PZP: variants seen among roughly 807,000 people sequenced by gnomAD.
The protein encoded by PZP is pregnancy zone protein.
In PZP, 150 loss-of-function variants were observed where a neutral mutation model predicts 179.8. The observed-to-expected ratio is 0.83, with a 90% CI of 0.73 to 0.96. The LOEUF is 0.96. Ranked by LOEUF, PZP falls within the 40% of genes least tolerant of loss-of-function variation. The pLI, the probability that PZP is intolerant of heterozygous loss-of-function variation, is 0.00. For missense variants in PZP, 1,689 were observed against 1,764.0 expected (o/e 0.96, Z 0.76); for synonymous variants, 624 against 652.3 (o/e 0.96, Z 0.66).
intron 21 of PZP, among the ~76,000 whole-genome samples, chr12:9,163,084 G>C (rs373366190): frequency 3.9e-5 from 6 of 151,954 alleles, no homozygotes; most frequent in African/African-American, 1.5e-4. Context: ...ACCAGGGAGG[G>C]TGGTAGAGAG....
chr12:9,171,366 C>T (rs1941988510), intron 15 of PZP, among the ~76,000 whole-genome samples: 1 of 152,130 alleles, frequency 6.6e-6, no homozygotes, highest in Non-Finnish European at 1.5e-5. Context: ...GCAGCAGCCT[C>T]AAGGATTAAA....
Position 9,197,141 on chromosome 12 carries a change from A to C in PZP, c.756-18T>G. 6.5e-7 allele frequency: 1 copy of C among 1,537,182 alleles called. No homozygotes were observed. Among genetic ancestry groups the C allele is most frequent in the Non-Finnish European group, 9.0e-7 (1 of 1,112,788 alleles). Reference sequence around the variant, plus strand: ...AAGTGTATCTGGTACATGAGAAATAAATCAGGAATTGAGAATGGCTGTTTG... The same window carrying C: ...AAGTGTATCTGGTACATGAGAAATACATCAGGAATTGAGAATGGCTGTTTG... On this transcript the variant is annotated intron_variant, in intron 7 of 35. Coordinates refer to ENST00000261336, the MANE Select transcript of PZP (RefSeq NM_002864.3).
rs1941069190 is a variant in PZP at position 9,160,152 on chromosome 12, A to ATCTGCC, written c.3050-128_3050-127insGGCAGA. 4 of 1,146,018 alleles carry ATCTGCC rather than the reference A, an allele frequency of 3.5e-6. No individual in the cohort carries two copies. In the Admixed American group the frequency reaches 8.5e-5, roughly 24 times the overall value. 71.0% of individuals were successfully genotyped at this position (1,146,018 alleles called of 1,614,324 possible). A position where few individuals can be genotyped will look rare whatever the true frequency, so the allele number is the denominator to read the frequency against. On this transcript the variant is annotated intron_variant, in intron 24 of 35. Transcript: ENST00000261336. The stretch of plus-strand genomic sequence containing the variant: ...TTCTGTGATCTGCCATAGTTTTGTG[A>ATCTGCC]ATGTTATGGATAGATCAAACACAAC...
chr12:9,156,762 G>A (rs1940784540), intron 28 of PZP, among the ~76,000 whole-genome samples: 1 of 152,076 alleles, frequency 6.6e-6, no homozygotes, highest in African/African-American at 2.4e-5. Context: ...ACTTGGCTAA[G>A]GAATTACAGA....
intron 13 of PZP, among the ~76,000 whole-genome samples, chr12:9,184,702 C>G (rs1401027733): frequency 6.6e-6 from 1 of 152,204 alleles, no homozygotes; most frequent in East Asian, 1.9e-4. Context: ...ACCTTGGTCC[C>G]TTCAGTGCAA....
intron 1 of PZP, among the ~76,000 whole-genome samples, chr12:9,207,018 G>T (rs928867800): frequency 2.0e-5 from 3 of 152,154 alleles, no homozygotes; most frequent in South Asian, 2.1e-4. Context: ...GAGGGATAGT[G>T]GGGGAGAAAT....
At chr12:9,175,735 T>C (rs1416227733) in intron 15 of PZP, among the ~76,000 whole-genome samples, 3 of 152,042 alleles carry the variant, frequency 2.0e-5, no homozygotes, top group Non-Finnish European at 4.4e-5. Flanking sequence ...ATTAGAGAAA[T>C]GCAAATCAAA....
chr12:9,169,888 C>T (rs954795774), intron 15 of PZP: 6 of 212,982 alleles, frequency 2.8e-5, no homozygotes, highest in Non-Finnish European at 4.6e-5. Context: ...AGAAAGAAGA[C>T]GTAACTTGCA....
At chr12:9,199,377 T>G (rs1388183146) in intron 7 of PZP, among the ~76,000 whole-genome samples, 1 of 152,116 alleles carries the variant, frequency 6.6e-6, no homozygotes, top group Non-Finnish European at 1.5e-5. Flanking sequence ...GGTATACATA[T>G]GAAGAAAAGG....
intron 15 of PZP, among the ~76,000 whole-genome samples, chr12:9,174,113 A>G (rs1368651873): frequency 6.6e-6 from 1 of 152,252 alleles, no homozygotes; most frequent in Non-Finnish European, 1.5e-5. Context: ...GCAGCACGTC[A>G]AAAAGCTTAT....
chr12:9,197,489 TTA>T (rs1943856094), intron 7 of PZP, among the ~76,000 whole-genome samples: 1 of 129,260 alleles, frequency 7.7e-6, no homozygotes. Flanking sequence ...ATATAATATA[TTA>T]TATATAAATA....
chr12:9,181,247 T>A lies in PZP; in HGVS notation c.1690-115A>T, dbSNP rs1942742179. ...AGTTCATATGACTATGTTGGTAATGTCAGTCAGAAACCTATTTTTACAACT... is the reference window on the plus strand; with the variant it reads ...AGTTCATATGACTATGTTGGTAATGACAGTCAGAAACCTATTTTTACAACT... On this transcript the variant is annotated intron_variant, in intron 14 of 35. Coordinates refer to ENST00000261336, the MANE Select transcript of PZP (RefSeq NM_002864.3). 3.8e-6 allele frequency: 5 copies of A among 1,328,052 alleles called. No homozygotes were observed. In the South Asian group the frequency reaches 6.9e-5, roughly 18 times the overall value. The allele number at this position is 1,328,052 out of a possible 1,614,324, so 82.3% of individuals were successfully genotyped here.
At chr12:9,143,101 T>C in the PZP span, among the ~76,000 whole-genome samples, 4 of 152,194 alleles carry the variant, frequency 2.6e-5, no homozygotes, top group Admixed American at 6.5e-5. Flanking sequence ...CTCTTTTTCA[T>C]CAGGGGTGAG....
Position 9,157,217 on chromosome 12 carries a change from T to A in PZP, c.3508A>T (p.Arg1170Ter). Residue 1170 changes from arginine (R) to a stop codon, truncating the protein, a stop_gained, in exon 28 of 36, where the codon AGA (arginine) becomes TGA (stop). Transcript: ENST00000261336. LOFTEE classifies it high-confidence loss of function. ...TTATCAAGTGAGTTCAGTATTTCTC[T>A]ATTCTGATTTTGCTTTCCCAGTAGG... The part of the protein sequence containing the change: ...FSLLGKQNQN[R>*]EILNSLDKEA... 2 of 1,614,156 alleles carry A rather than the reference T, an allele frequency of 1.2e-6. No homozygotes were observed.
At chr12:9,166,599 A>G (rs1014021928) in intron 17 of PZP, among the ~76,000 whole-genome samples, 7 of 152,342 alleles carry the variant, frequency 4.6e-5, no homozygotes, top group African/African-American at 1.7e-4. Flanking sequence ...TAAAAATGAA[A>G]TTACCAGTGG....
At chr12:9,167,944 G>A (rs1941708412) in intron 17 of PZP, among the ~76,000 whole-genome samples, 1 of 151,852 alleles carries the variant, frequency 6.6e-6, no homozygotes, top group Non-Finnish European at 1.5e-5. Context: ...TACCATTTTT[G>A]AGAAATTGTT....
intron 7 of PZP, 103 bp downstream of exon 7, chr12:9,200,261 T>C: frequency 1.5e-6 from 1 of 688,754 alleles, no homozygotes; most frequent in South Asian, 2.4e-5. Context: ...AGGAGTAATA[T>C]TACAAAAGTG....
chr12:9,187,639 C>G (rs1010162629), intron 13 of PZP, among the ~76,000 whole-genome samples: 2 of 152,104 alleles, frequency 1.3e-5, no homozygotes, highest in Admixed American at 6.5e-5. Flanking sequence ...CCAGTAAGAA[C>G]AAAGATACAA....
chr12:9,147,815 A>G (rs1348567318), downstream of PZP, among the ~76,000 whole-genome samples: 1 of 152,186 alleles, frequency 6.6e-6, no homozygotes, highest in East Asian at 1.9e-4. Flanking sequence ...ATTATTAGCA[A>G]AATATCTTAT....
Sources: gnomAD v4.1 joint callset for allele counts (sites outside exome capture counted in the v4.1 genomes callset) on GRCh38, gnomAD v4.1.1 for gene constraint, MANE v1.5 for transcripts, NCBI Gene and HGNC (gene_info 2026-07-23, HGNC 2026-07-21) for gene names.